ADARB2: variants seen among roughly 807,000 people sequenced by gnomAD.
ADARB2 encodes inactive double-stranded RNA-specific editase B2.
Under a neutral mutation model 62.2 loss-of-function variants are expected in ADARB2, and 25 were observed. That is an observed-to-expected ratio of 0.40 (90% CI 0.29 to 0.56). The LOEUF is 0.56. Among genes scored for constraint, ADARB2 ranks in the 20% least tolerant of loss-of-function variants. ADARB2 has a pLI of 0.43. For missense variants in ADARB2, 1,071 were observed against 1,077.4 expected (o/e 0.99, Z 0.08); for synonymous variants, 572 against 500.8 (o/e 1.14, Z -1.90).
At chr10:1,644,621 G>A (rs920991128) in intron 1 of ADARB2, among the ~76,000 whole-genome samples, 25 of 152,246 alleles carry the variant, frequency 1.6e-4, no homozygotes, top group African/African-American at 5.1e-4. Context: ...CCTGCCAGGC[G>A]CCTACGCGGA....
At chr10:1,376,967 C>T (rs1832435275) in intron 2 of ADARB2, among the ~76,000 whole-genome samples, 1 of 124,102 alleles carries the variant, frequency 8.1e-6, no homozygotes, top group Non-Finnish European at 1.7e-5. Flanking sequence ...TGTTTGTGTG[C>T]ACCCCTGGGG....
chr10:1,718,528 C>T (rs1835050376), intron 1 of ADARB2, among the ~76,000 whole-genome samples: 1 of 152,364 alleles, frequency 6.6e-6, no homozygotes, highest in Non-Finnish European at 1.5e-5. Flanking sequence ...TCGAGTCTCT[C>T]TGCAAATGCT....
At chr10:1,397,031 C>T (rs1432667559) in intron 1 of ADARB2, among the ~76,000 whole-genome samples, 3 of 20,578 alleles carry the variant, frequency 1.5e-4, no homozygotes, top group African/African-American at 3.8e-4. Context: ...AGCCTCTCCC[C>T]TCCCGAGTGG....
At chr10:1,600,848 G>A (rs747045582) in intron 1 of ADARB2, among the ~76,000 whole-genome samples, 1 of 152,116 alleles carries the variant, frequency 6.6e-6, no homozygotes, top group Non-Finnish European at 1.5e-5. Flanking sequence ...CTGTTCCATG[G>A]TGATGCTAAA....
chr10:1,647,682 A>G (rs950460780), intron 1 of ADARB2, among the ~76,000 whole-genome samples: 1 of 151,830 alleles, frequency 6.6e-6, no homozygotes, highest in Admixed American at 6.6e-5. Flanking sequence ...GTGTGTATAC[A>G]TGTGTGTATG....
At chr10:1,267,887 C>A (rs865828889) in intron 4 of ADARB2, among the ~76,000 whole-genome samples, 14 of 152,084 alleles carry the variant, frequency 9.2e-5, no homozygotes, top group Non-Finnish European at 1.6e-4. Context: ...TCAGCTGTTA[C>A]AATCACTCAA....
intron 1 of ADARB2, among the ~76,000 whole-genome samples, chr10:1,699,274 A>G (rs10903543): frequency 0.9 from 29,106 of 32,308 alleles, 13,334 homozygotes; most frequent in East Asian, 0.97. Context: ...GAGACCGGGC[A>G]CTCGCCAATA....
In ADARB2 at chr10:1,723,599, G is replaced by A. The variant is rs140322068; in HGVS notation, c.100+13452C>T. On this transcript the variant is annotated intron_variant, in intron 1 of 9. Coordinates refer to ENST00000381312, the MANE Select transcript of ADARB2 (RefSeq NM_018702.4). Reference sequence around the variant, plus strand: ...CCTTATCAAACCTGGGAAAAGAACTGTCAGCGAGAAGTGAGAACGGTCCGC... The same window carrying A: ...CCTTATCAAACCTGGGAAAAGAACTATCAGCGAGAAGTGAGAACGGTCCGC... 8.6e-3 allele frequency among the ~76,000 whole-genome samples: 1,310 copies of A among 152,264 alleles called. 8 individuals carry two copies. Among genetic ancestry groups the A allele is most frequent in the Non-Finnish European group, 0.013 (864 of 68,006 alleles).
chr10:1,216,769 G>T, intron 7 of ADARB2, 182 bp downstream of exon 7: 1 of 808,722 alleles, frequency 1.2e-6, no homozygotes, highest in South Asian at 1.8e-5. Context: ...GGGGTGCCTT[G>T]GCCTCAGGGT....
At chr10:1,382,193 GC>G (rs1232020763) in intron 1 of ADARB2, among the ~76,000 whole-genome samples, 2 of 152,136 alleles carry the variant, frequency 1.3e-5, no homozygotes, top group African/African-American at 2.4e-5. Flanking sequence ...ATGTAACTGG[GC>G]ATCCTGTATT....
At chr10:1,577,601 G>A (rs538694345) in intron 1 of ADARB2, among the ~76,000 whole-genome samples, 3 of 152,328 alleles carry the variant, frequency 2.0e-5, no homozygotes, top group Admixed American at 6.5e-5. Flanking sequence ...CAGGCTGTAC[G>A]AAGGCCTTGT....
intron 1 of ADARB2, among the ~76,000 whole-genome samples, chr10:1,597,357 T>C (rs72765001): frequency 0.27 from 41,086 of 152,084 alleles, 5,977 homozygotes; most frequent in Non-Finnish European, 0.33. Context: ...AGGAGAAATA[T>C]TTGCAAACTT....
In ADARB2 at chr10:1,564,739, A is replaced by G. The variant is rs184457943; in HGVS notation, c.100+172312T>C. Reference sequence around the variant, plus strand: ...CCATCTCACACCAGTTAGAATGGCAATCATTAAAAAGTCAGGAAACAACAG... The same window carrying G: ...CCATCTCACACCAGTTAGAATGGCAGTCATTAAAAAGTCAGGAAACAACAG... On this transcript the variant is annotated intron_variant, in intron 1 of 9. Coordinates refer to ENST00000381312, the MANE Select transcript of ADARB2 (RefSeq NM_018702.4). 3.4e-3 allele frequency among the ~76,000 whole-genome samples: 520 copies of G among 152,214 alleles called. 3 individuals carry two copies. Among genetic ancestry groups the G allele is most frequent in the African/African-American group, 0.012 (482 of 41,564 alleles).
At chr10:1,641,552 T>C (rs1457792548) in intron 1 of ADARB2, among the ~76,000 whole-genome samples, 2 of 152,252 alleles carry the variant, frequency 1.3e-5, no homozygotes, top group African/African-American at 4.8e-5. Flanking sequence ...AGCAGAAAGC[T>C]GATTCTTTAA....
At chr10:1,369,765 C>T (rs927126769) in intron 2 of ADARB2, among the ~76,000 whole-genome samples, 1 of 152,248 alleles carries the variant, frequency 6.6e-6, no homozygotes, top group African/African-American at 2.4e-5. Context: ...CCTCCTGAGT[C>T]ATCCCCTCTG....
At chr10:1,613,287 G>A (rs1833593332) in intron 1 of ADARB2, among the ~76,000 whole-genome samples, 1 of 152,184 alleles carries the variant, frequency 6.6e-6, no homozygotes, top group Non-Finnish European at 1.5e-5. Context: ...GTGGTCAGTT[G>A]AATGTCTTCA....
chr10:1,523,048 T>A (rs1449193211), intron 1 of ADARB2, among the ~76,000 whole-genome samples: 1 of 152,220 alleles, frequency 6.6e-6, no homozygotes, highest in Non-Finnish European at 1.5e-5. Context: ...CGCTGCTTGG[T>A]GACATCATCC....
intron 1 of ADARB2, among the ~76,000 whole-genome samples, chr10:1,732,469 C>T (rs893505851): frequency 1.3e-5 from 2 of 152,108 alleles, no homozygotes; most frequent in East Asian, 1.9e-4. Flanking sequence ...TATCTAATGC[C>T]CTTGAAGCAA....
intron 1 of ADARB2, among the ~76,000 whole-genome samples, chr10:1,424,117 T>C (rs1267790423): frequency 6.6e-6 from 1 of 152,196 alleles, no homozygotes; most frequent in Non-Finnish European, 1.5e-5. Flanking sequence ...GTCCAACACA[T>C]ATGCAGTGGG....
Sources: allele counts gnomAD v4.1 joint callset (sites outside exome capture counted in the v4.1 genomes callset), GRCh38; gene constraint gnomAD v4.1.1; transcripts MANE v1.5; gene names NCBI Gene and HGNC (gene_info 2026-07-23, HGNC 2026-07-21).